The following PTGIS variants were observed in gnomAD, a reference collection of about 807,000 sequenced individuals.
PTGIS encodes prostaglandin I2 synthase, also known as prostacyclin synthase.
PTGIS carries 45 observed loss-of-function variants against 50.3 expected under a neutral mutation model. The ratio of observed to expected loss-of-function variants is 0.90; its 90% CI spans 0.70 to 1.15. The LOEUF is 1.15. Among genes scored for constraint, PTGIS ranks in the 50% most tolerant of loss-of-function variants. The pLI is 0.00. For synonymous variants in PTGIS, 260 were observed against 267.7 expected, an observed-to-expected ratio of 0.97 and a Z score of 0.28; for missense variants, 668 against 661.3, an observed-to-expected ratio of 1.01 and a Z score of -0.11.
intron 4 of PTGIS, among the ~76,000 whole-genome samples, chr20:49,541,074 G>A (rs1982213951): frequency 6.6e-6 from 1 of 152,186 alleles, no homozygotes; most frequent in Non-Finnish European, 1.5e-5. Context: ...CCACACACTG[G>A]ATTCAGTCCA....
At chr20:49,548,541 T>G (rs1176079311) in intron 2 of PTGIS, among the ~76,000 whole-genome samples, 1 of 151,322 alleles carries the variant, frequency 6.6e-6, no homozygotes, top group Non-Finnish European at 1.5e-5. Context: ...GATGAATGGA[T>G]GGGTGGATGG....
rs1236840022 is a variant in PTGIS at position 49,524,114 on chromosome 20, C to A, written c.799G>T (p.Gly267Cys). 1 of 1,614,228 alleles carries A rather than the reference C, an allele frequency of 6.2e-7. No individual in the cohort carries two copies. Among genetic ancestry groups the A allele is most frequent in the South Asian group, 1.1e-5 (1 of 91,084 alleles). Residue 267 changes from glycine (G) to cysteine (C), a missense_variant, in exon 6 of 10, where the codon GGT (glycine) becomes TGT (cysteine). Coordinates refer to ENST00000244043, the MANE Select transcript of PTGIS (RefSeq NM_000961.4). ...ESYLLHLEEM[G>C]VSEEMQARAL... ...CGTGCCTGCATCTCCTCTGACACAC[C>A]CATCTCCTCCAGGTGCAGCAGGTAA...
In PTGIS at chr20:49,507,834, A is replaced by C; in HGVS notation, c.*86T>G. ...TAATGCTAGCACCTGCACCCGGGCC[A>C]ACTGTGCACACAGAAAGCTGGGAGG... On this transcript the variant is annotated 3_prime_UTR_variant, in exon 10 of 10. Transcript: ENST00000244043. The C allele has an allele frequency of 6.3e-7, 1 of 1,576,942 alleles. No individual in the cohort carries two copies. Among genetic ancestry groups the C allele is most frequent in the Admixed American group, 1.7e-5 (1 of 59,112 alleles).
chr20:49,524,266 G>T, intron 5 of PTGIS, 27 bp from the exon 6 acceptor site: 1 of 1,611,442 alleles, frequency 6.2e-7, no homozygotes, highest in South Asian at 1.1e-5. Context: ...CAGAGAGTAG[G>T]GGTTACAGAT....
At chr20:49,558,696 C>T (rs1389880966) in intron 1 of PTGIS, among the ~76,000 whole-genome samples, 1 of 147,824 alleles carries the variant, frequency 6.8e-6, no homozygotes, top group Non-Finnish European at 1.5e-5. Flanking sequence ...GCTGCAATCC[C>T]AAGAAGAAGT....
At chr20:49,547,343 A>G (rs534861179) in intron 3 of PTGIS, among the ~76,000 whole-genome samples, 1 of 152,342 alleles carries the variant, frequency 6.6e-6, no homozygotes, top group South Asian at 2.1e-4. Context: ...GGCTGCATCT[A>G]TGAAATGGGG....
chr20:49,514,499 T>C (rs7267348), intron 6 of PTGIS, 104 bp from the exon 7 acceptor site: 354,353 of 1,359,814 alleles, frequency 0.26, 47,362 homozygotes, highest in Middle Eastern at 0.38. Context: ...TAGGCCTGGG[T>C]TCCCACTGCT....
intron 5 of PTGIS, among the ~76,000 whole-genome samples, chr20:49,524,598 A>C (rs1981747535): frequency 6.6e-6 from 1 of 152,146 alleles, no homozygotes; most frequent in Non-Finnish European, 1.5e-5. Flanking sequence ...CATACTTGAG[A>C]CTGGGTAATT....
intron 3 of PTGIS, 97 bp downstream of exon 3, chr20:49,547,744 G>T: frequency 7.2e-7 from 1 of 1,380,186 alleles, no homozygotes; most frequent in South Asian, 1.2e-5. Flanking sequence ...TGTCTTTACC[G>T]AACATTTGCT....
At chr20:49,526,802 G>A (rs1269813022) in intron 5 of PTGIS, among the ~76,000 whole-genome samples, 1 of 152,196 alleles carries the variant, frequency 6.6e-6, no homozygotes, top group Non-Finnish European at 1.5e-5. Context: ...CATGAGGATG[G>A]CTACTATTTA....
chr20:49,526,604 A>G (rs894288193), intron 5 of PTGIS, among the ~76,000 whole-genome samples: 2 of 152,242 alleles, frequency 1.3e-5, no homozygotes, highest in African/African-American at 4.8e-5. Context: ...CCCAAAATAT[A>G]TAAAAGAACT....
chr20:49,543,403 G>C (rs1372872148), intron 4 of PTGIS, among the ~76,000 whole-genome samples: 1 of 152,082 alleles, frequency 6.6e-6, no homozygotes. Flanking sequence ...TTCAAACTAA[G>C]TTAGATCATG....
At chr20:49,511,545 T>G (rs900746732) in intron 8 of PTGIS, among the ~76,000 whole-genome samples, 2 of 152,242 alleles carry the variant, frequency 1.3e-5, no homozygotes, top group Admixed American at 6.5e-5. Flanking sequence ...TCTGTAGAAC[T>G]GGAGAAGAAG....
At chr20:49,565,961 G>A (rs961820799) in intron 1 of PTGIS, among the ~76,000 whole-genome samples, 22 of 152,220 alleles carry the variant, frequency 1.4e-4, no homozygotes, top group Non-Finnish European at 2.9e-5. Context: ...AGGGCGCGGT[G>A]ACTCACGCCT....
intron 2 of PTGIS, among the ~76,000 whole-genome samples, chr20:49,548,782 G>A (rs1982433136): frequency 6.6e-6 from 1 of 152,080 alleles, no homozygotes; most frequent in African/African-American, 2.4e-5. Context: ...AATACTTGTG[G>A]ATACAATGTT....
chr20:49,509,886 T>TTC (rs1981264780), intron 9 of PTGIS, among the ~76,000 whole-genome samples: 2 of 116,316 alleles, frequency 1.7e-5, no homozygotes, highest in African/African-American at 7.1e-5. Context: ...TCTTTCTTTT[T>TTC]TTTTTTTTTT....
chr20:49,519,057 A>T (rs1981573846), intron 6 of PTGIS, among the ~76,000 whole-genome samples: 1 of 152,158 alleles, frequency 6.6e-6, no homozygotes, highest in Non-Finnish European at 1.5e-5. Context: ...CAATGGTTTC[A>T]GTCCTGGCAT....
intron 3 of PTGIS, among the ~76,000 whole-genome samples, chr20:49,546,908 C>T (rs1238682604): frequency 2.0e-5 from 3 of 152,200 alleles, no homozygotes; most frequent in Non-Finnish European, 4.4e-5. Context: ...GCAGAGCAAA[C>T]ATGTTCATCT....
intron 4 of PTGIS, among the ~76,000 whole-genome samples, chr20:49,542,368 C>G (rs6012689): frequency 0.06 from 9,132 of 152,278 alleles, 862 homozygotes; most frequent in African/African-American, 0.2. Context: ...GTGGAAAGGC[C>G]TACAGCTGCC....
Sources: gnomAD v4.1 joint callset for allele counts (sites outside exome capture counted in the v4.1 genomes callset) on GRCh38, gnomAD v4.1.1 for gene constraint, MANE v1.5 for transcripts, NCBI Gene and HGNC (gene_info 2026-07-23, HGNC 2026-07-21) for gene names.